The following HDAC9 variants were observed in gnomAD, a reference collection of about 807,000 sequenced individuals.
HDAC9 encodes MEF-2 interacting transcription repressor (MITR) protein.
Under a neutral mutation model 139.4 loss-of-function variants are expected in HDAC9, and 41 were observed. The observed-to-expected ratio is 0.29, with a 90% CI of 0.23 to 0.38. The LOEUF (loss-of-function observed/expected upper bound fraction) is 0.38. HDAC9 is among the 10% of genes least tolerant of loss of function. The pLI is 1.00. For synonymous variants in HDAC9, 517 were observed against 476.2 expected (o/e 1.09, Z -1.12); for missense variants, 1,147 against 1,297.0 (o/e 0.88, Z 1.78).
intron 1 of HDAC9, among the ~76,000 whole-genome samples, chr7:18,301,176 A>T (rs974377104): frequency 6.6e-6 from 1 of 152,180 alleles, no homozygotes; most frequent in African/African-American, 2.4e-5. Flanking sequence ...TTTAAAAAAT[A>T]ATATTCCCTC....
At chr7:18,134,337 G>A (rs951935522) in intron 1 of HDAC9, among the ~76,000 whole-genome samples, 1 of 151,954 alleles carries the variant, frequency 6.6e-6, no homozygotes, top group Non-Finnish European at 1.5e-5. Flanking sequence ...ATTATTCAAG[G>A]ACTGCTAGGG....
intron 7 of HDAC9, 91 bp downstream of exon 7, chr7:18,629,572 T>G (rs899514866): frequency 7.3e-6 from 9 of 1,226,884 alleles, no homozygotes; most frequent in Non-Finnish European, 9.9e-6. Context: ...ATATTAAAAG[T>G]TATTTTGAGA....
At chr7:18,454,857 C>T (rs1793202351) in intron 1 of HDAC9, among the ~76,000 whole-genome samples, 1 of 151,906 alleles carries the variant, frequency 6.6e-6, no homozygotes, top group African/African-American at 2.4e-5. Context: ...TAAAGGAAAA[C>T]ATCATAAGTT....
chr7:18,153,023 T>C (rs1050324710), intron 1 of HDAC9, among the ~76,000 whole-genome samples: 2 of 152,062 alleles, frequency 1.3e-5, no homozygotes, highest in African/African-American at 4.8e-5. Flanking sequence ...AAGTTAGTTG[T>C]AGGTATAAAG....
intron 1 of HDAC9, among the ~76,000 whole-genome samples, chr7:18,391,562 C>G (rs570298231): frequency 5.5e-4 from 84 of 152,258 alleles, no homozygotes; most frequent in Non-Finnish European, 9.6e-4. Flanking sequence ...CCAGCAAAAC[C>G]TTTTGTTCAC....
chr7:18,649,695 G>A (rs995434961), intron 11 of HDAC9, among the ~76,000 whole-genome samples: 3 of 152,214 alleles, frequency 2.0e-5, no homozygotes, highest in South Asian at 2.1e-4. Context: ...TAGGGGAAAG[G>A]GATCTTCATC....
intron 17 of HDAC9, among the ~76,000 whole-genome samples, chr7:18,814,574 C>T (rs1794426704): frequency 6.6e-6 from 1 of 152,036 alleles, no homozygotes; most frequent in Non-Finnish European, 1.5e-5. Flanking sequence ...AAATTTCATT[C>T]ACATGTGCAT....
At chr7:18,905,215 A>C (rs918665482) in intron 22 of HDAC9, among the ~76,000 whole-genome samples, 19 of 152,116 alleles carry the variant, frequency 1.2e-4, no homozygotes, top group African/African-American at 4.3e-4. Context: ...CTTGTTAACC[A>C]CTCATGACAC....
chr7:18,669,184 T>C (rs1157170911), intron 12 of HDAC9, among the ~76,000 whole-genome samples: 1 of 151,782 alleles, frequency 6.6e-6, no homozygotes, highest in Non-Finnish European at 1.5e-5. Flanking sequence ...AGATGTCAGT[T>C]CCTAACTTTG....
At chr7:18,200,307 C>T (rs1194098451) in intron 2 of HDAC9, among the ~76,000 whole-genome samples, 1 of 152,150 alleles carries the variant, frequency 6.6e-6, no homozygotes, top group Non-Finnish European at 1.5e-5. Flanking sequence ...GATAAATTTC[C>T]ATGCATAATT....
chr7:18,658,804 T>C (rs894357752), intron 11 of HDAC9, among the ~76,000 whole-genome samples: 1 of 151,780 alleles, frequency 6.6e-6, no homozygotes, highest in Non-Finnish European at 1.5e-5. Context: ...AACAGAATTT[T>C]ATCATTATTT....
chr7:18,936,019 A>T (rs1374438531), intron 23 of HDAC9, 77 bp downstream of exon 23: 3 of 1,398,944 alleles, frequency 2.1e-6, no homozygotes, highest in African/African-American at 2.9e-5. Context: ...ACTAAAAAAA[A>T]ATTCTGCATA....
At chr7:18,882,266 T>G (rs1799794615) in intron 22 of HDAC9, among the ~76,000 whole-genome samples, 1 of 152,128 alleles carries the variant, frequency 6.6e-6, no homozygotes, top group African/African-American at 2.4e-5. Context: ...CATATTCCTG[T>G]GTTCTATAAT....
At chr7:18,939,832 T>C (rs1346206857) in intron 23 of HDAC9, among the ~76,000 whole-genome samples, 1 of 152,178 alleles carries the variant, frequency 6.6e-6, no homozygotes, top group Non-Finnish European at 1.5e-5. Context: ...CTTTTACAAA[T>C]AACAAAATGT....
At chr7:18,711,753 C>G (rs940025724) in intron 12 of HDAC9, among the ~76,000 whole-genome samples, 3 of 152,146 alleles carry the variant, frequency 2.0e-5, no homozygotes, top group African/African-American at 7.2e-5. Flanking sequence ...CATTTTGCCA[C>G]AAAAGAACAG....
At chr7:18,850,038 ACTGTAT>A (rs1424417485) in intron 21 of HDAC9, among the ~76,000 whole-genome samples, 2 of 150,492 alleles carry the variant, frequency 1.3e-5, no homozygotes, top group Admixed American at 1.3e-4. Flanking sequence ...CTTTCATTTT[ACTGTAT>A]CTGTAAGTAT....
intron 21 of HDAC9, among the ~76,000 whole-genome samples, chr7:18,856,480 T>C (rs1211401509): frequency 6.6e-6 from 1 of 152,166 alleles, no homozygotes; most frequent in Admixed American, 6.6e-5. Flanking sequence ...CTAAAGGATG[T>C]TAATATTATT....
chr7:18,819,118 A>AGAG (rs1274096161), intron 17 of HDAC9, among the ~76,000 whole-genome samples: 4 of 152,106 alleles, frequency 2.6e-5, no homozygotes, highest in African/African-American at 9.7e-5. Flanking sequence ...TGTCTCTACT[A>AGAG]AAAATACAAA....
chr7:18,491,507 G>A (rs1796365271), upstream of HDAC9, among the ~76,000 whole-genome samples: 1 of 151,810 alleles, frequency 6.6e-6, no homozygotes, highest in African/African-American at 2.4e-5. Flanking sequence ...AAGAAGCTAA[G>A]CTTTTTGGCA....
Sources: gnomAD v4.1 joint callset for allele counts (sites outside exome capture counted in the v4.1 genomes callset) on GRCh38, gnomAD v4.1.1 for gene constraint, MANE v1.5 for transcripts, NCBI Gene and HGNC (gene_info 2026-07-23, HGNC 2026-07-21) for gene names.